The following ZC3H12B variants were observed in gnomAD, a reference collection of about 807,000 sequenced individuals.
The protein encoded by ZC3H12B is probable ribonuclease ZC3H12B.
Under a neutral mutation model 43.9 loss-of-function variants are expected in ZC3H12B, and 7 were observed. That is an observed-to-expected ratio of 0.16 (90% CI 0.09 to 0.30). The LOEUF (loss-of-function observed/expected upper bound fraction) is 0.30, where lower values mean the gene tolerates loss of function less well. ZC3H12B is among the 10% of genes least tolerant of loss of function. The pLI, the probability that ZC3H12B is intolerant of heterozygous loss-of-function variation, is 1.00. For missense variants in ZC3H12B, 475 were observed against 670.2 expected (o/e 0.71, Z 3.22); for synonymous variants, 222 against 241.7 (o/e 0.92, Z 0.76).
chrX:65,162,706 G>T, the ZC3H12B span, among the ~76,000 whole-genome samples: 8 of 111,737 alleles, frequency 7.2e-5, no homozygotes, highest in East Asian at 1.1e-3. Context: ...TTTGCCTTTG[G>T]TTTGAATTTC....
chrX:65,246,448 G>C, the ZC3H12B span, among the ~76,000 whole-genome samples: 1 of 111,811 alleles, frequency 8.9e-6, no homozygotes, highest in Non-Finnish European at 1.9e-5. Context: ...AACCTGAATA[G>C]CCAAGGCAAT....
At chrX:65,488,374 T>C (rs1179053816), upstream of ZC3H12B, among the ~76,000 whole-genome samples, 3 of 98,519 alleles carry the variant, frequency 3.0e-5, no homozygotes, top group African/African-American at 7.5e-5. Context: ...TTAGCTGTTA[T>C]TTTGTGTCCA....
At chrX:65,105,608 A>G in the ZC3H12B span, among the ~76,000 whole-genome samples, 2 of 111,072 alleles carry the variant, frequency 1.8e-5, no homozygotes, top group Non-Finnish European at 3.8e-5. Context: ...CTGAGATGCT[A>G]CACTGAAATG....
the ZC3H12B span, among the ~76,000 whole-genome samples, chrX:65,133,339 A>T: frequency 9.1e-6 from 1 of 110,058 alleles, no homozygotes; most frequent in Non-Finnish European, 1.9e-5. Flanking sequence ...GCTTTTTCTA[A>T]TGTCGGGAGT....
the ZC3H12B span, among the ~76,000 whole-genome samples, chrX:65,205,706 G>C: frequency 9.0e-6 from 1 of 111,128 alleles, no homozygotes; most frequent in Non-Finnish European, 1.9e-5. Context: ...GACCATCCAA[G>C]TTGGTAAGGA....
At chrX:65,107,559 C>T in the ZC3H12B span, among the ~76,000 whole-genome samples, 1 of 110,944 alleles carries the variant, frequency 9.0e-6, no homozygotes, top group Non-Finnish European at 1.9e-5. Flanking sequence ...CTCTGTGTCC[C>T]CACCTAAATC....
the ZC3H12B span, among the ~76,000 whole-genome samples, chrX:65,076,684 C>T: frequency 1.8e-5 from 2 of 108,226 alleles, no homozygotes; most frequent in African/African-American, 6.8e-5. Flanking sequence ...GTATTGAGTC[C>T]ATCTGGTGAG....
At chrX:65,299,788 C>G in the ZC3H12B span, among the ~76,000 whole-genome samples, 5 of 112,343 alleles carry the variant, frequency 4.5e-5, no homozygotes, top group Non-Finnish European at 7.5e-5. Context: ...TTGAAGAAAG[C>G]AGCTTGCTGC....
At chrX:65,400,417 T>C (rs1326131701) in intron 3 of ZC3H12B, among the ~76,000 whole-genome samples, 3 of 111,418 alleles carry the variant, frequency 2.7e-5, no homozygotes, top group Admixed American at 9.6e-5. Context: ...CTGGAATCTC[T>C]TAAGGGAACT....
At chrX:65,207,580 A>G in the ZC3H12B span, among the ~76,000 whole-genome samples, 1 of 110,293 alleles carries the variant, frequency 9.1e-6, no homozygotes, top group South Asian at 3.9e-4. Context: ...GAAATTAACC[A>G]CTAAAGAACT....
At chrX:65,121,387 A>T in the ZC3H12B span, among the ~76,000 whole-genome samples, 38 of 111,466 alleles carry the variant, frequency 3.4e-4, no homozygotes, top group African/African-American at 1.0e-3. Context: ...GGGAGGGTGC[A>T]TGTGTCAAGG....
intron 1 of ZC3H12B, among the ~76,000 whole-genome samples, chrX:65,496,630 T>A (rs755987812): frequency 1.8e-5 from 2 of 111,811 alleles, no homozygotes; most frequent in Non-Finnish European, 3.8e-5. Context: ...GATTTGCTCT[T>A]TAAAAAGCAT....
At chrX:65,136,552 T>C in the ZC3H12B span, among the ~76,000 whole-genome samples, 1 of 111,419 alleles carries the variant, frequency 9.0e-6, no homozygotes, top group Non-Finnish European at 1.9e-5. Flanking sequence ...GGTGTTTTGC[T>C]AAAAGATTTT....
the ZC3H12B span, among the ~76,000 whole-genome samples, chrX:65,073,479 G>A: frequency 3.6e-5 from 4 of 112,224 alleles, no homozygotes; most frequent in Non-Finnish European, 7.5e-5. Context: ...GGGAGAGGCC[G>A]GCAGACCAAG....
At chrX:65,345,806 G>A in the ZC3H12B span, among the ~76,000 whole-genome samples, 1 of 111,758 alleles carries the variant, frequency 8.9e-6, no homozygotes, top group Non-Finnish European at 1.9e-5. Flanking sequence ...TACAAAATTT[G>A]GTAACATTTC....
the ZC3H12B span, among the ~76,000 whole-genome samples, chrX:65,141,513 A>G: frequency 9.3e-6 from 1 of 108,027 alleles, no homozygotes; most frequent in Non-Finnish European, 1.9e-5. Context: ...TATTATTATT[A>G]TTATTAATTT....
intron 3 of ZC3H12B, among the ~76,000 whole-genome samples, chrX:65,482,911 CAG>C (rs1329414132): frequency 1.9e-4 from 21 of 111,742 alleles, no homozygotes; most frequent in African/African-American, 6.5e-4. Context: ...TGAAAATCAA[CAG>C]ACTCTTACTT....
the ZC3H12B span, among the ~76,000 whole-genome samples, chrX:65,234,059 CACAA>C: frequency 2.4e-4 from 26 of 110,625 alleles, no homozygotes; most frequent in Admixed American, 7.7e-4. Context: ...ACAAAAACAA[CACAA>C]ACAAACAAAC....
At chrX:65,286,760 G>T in the ZC3H12B span, among the ~76,000 whole-genome samples, 1 of 109,409 alleles carries the variant, frequency 9.1e-6, no homozygotes, top group African/African-American at 3.3e-5. Context: ...TTTAAGACAT[G>T]ATTCAATAAT....
Sources: gnomAD v4.1 joint callset for allele counts (sites outside exome capture counted in the v4.1 genomes callset) on GRCh38, gnomAD v4.1.1 for gene constraint, MANE v1.5 for transcripts, NCBI Gene and HGNC (gene_info 2026-07-23, HGNC 2026-07-21) for gene names.